KDM4C: variants seen among roughly 807,000 people sequenced by gnomAD.
The protein encoded by KDM4C is lysine-specific demethylase 4C.
KDM4C carries 81 observed loss-of-function variants against 129.3 expected under a neutral mutation model. That is an observed-to-expected ratio of 0.63 (90% CI 0.52 to 0.75). The LOEUF (loss-of-function observed/expected upper bound fraction) is 0.75. Among genes scored for constraint, KDM4C ranks in the 30% least tolerant of loss-of-function variants. The pLI is 0.00. For missense variants in KDM4C, 1,457 were observed against 1,304.0 expected (o/e 1.12, Z -1.81); for synonymous variants, 573 against 456.1 (o/e 1.26, Z -3.26).
At chr9:7,027,600 T>C (rs1450706915) in intron 15 of KDM4C, among the ~76,000 whole-genome samples, 1 of 152,138 alleles carries the variant, frequency 6.6e-6, no homozygotes, top group African/African-American at 2.4e-5. Context: ...GGCTACCAGA[T>C]ACTATGTTTG....
intron 1 of KDM4C, among the ~76,000 whole-genome samples, chr9:6,768,895 C>G (rs550859407): frequency 3.9e-5 from 6 of 152,206 alleles, no homozygotes; most frequent in Admixed American, 1.3e-4. Flanking sequence ...GCCTCAGCCT[C>G]CCGAGTAACT....
rs531200707 is a variant in KDM4C, at chr9:6,997,439, G to A, written c.1786+6915G>A. On this transcript the variant is annotated intron_variant, in intron 12 of 21. Coordinates refer to ENST00000381309, the MANE Select transcript of KDM4C (RefSeq NM_015061.6). Reference sequence around the variant, plus strand: ...GCTTGCTTGCCTGAAACTTAGGCTTGGATGGTGAAGGGCAATATGATAGAA... The same window carrying A: ...GCTTGCTTGCCTGAAACTTAGGCTTAGATGGTGAAGGGCAATATGATAGAA... 2.6e-5 allele frequency among the ~76,000 whole-genome samples: 4 copies of A among 152,314 alleles called. 1 individual carries two copies. In the South Asian group the frequency reaches 8.3e-4, roughly 32 times the overall value.
intron 17 of KDM4C, among the ~76,000 whole-genome samples, chr9:7,095,309 C>G (rs1836294297): frequency 6.6e-6 from 1 of 152,228 alleles, no homozygotes; most frequent in Non-Finnish European, 1.5e-5. Context: ...CAGCTGCAAC[C>G]TTTCATGCTG....
chr9:6,953,869 C>T (rs149147511), intron 8 of KDM4C, among the ~76,000 whole-genome samples: 1 of 152,122 alleles, frequency 6.6e-6, no homozygotes, highest in Non-Finnish European at 1.5e-5. Context: ...CACTTCTTGA[C>T]CCTTGGAAAT....
chr9:7,152,290 T>G (rs979425016), intron 19 of KDM4C, among the ~76,000 whole-genome samples: 2 of 152,194 alleles, frequency 1.3e-5, no homozygotes, highest in African/African-American at 4.8e-5. Flanking sequence ...GACCTAAATA[T>G]TTAATAAAGG....
At chr9:6,944,419 A>G (rs934501705) in intron 8 of KDM4C, among the ~76,000 whole-genome samples, 1 of 152,212 alleles carries the variant, frequency 6.6e-6, no homozygotes, top group African/African-American at 2.4e-5. Context: ...ATTGTTCAAA[A>G]GAGCTGCAGC....
At chr9:7,039,313 TCTC>T (rs1230928862) in intron 15 of KDM4C, among the ~76,000 whole-genome samples, 4 of 152,040 alleles carry the variant, frequency 2.6e-5, no homozygotes, top group Non-Finnish European at 5.9e-5. Flanking sequence ...GCTCTGTCTT[TCTC>T]CTCTCTAATT....
intron 1 of KDM4C, among the ~76,000 whole-genome samples, chr9:6,788,601 A>G (rs1400713863): frequency 6.6e-6 from 1 of 152,188 alleles, no homozygotes; most frequent in Non-Finnish European, 1.5e-5. Context: ...ACAATTTGGC[A>G]CTTACTCCTT....
chr9:6,848,779 A>G (rs1252510052), intron 4 of KDM4C, among the ~76,000 whole-genome samples: 2 of 152,172 alleles, frequency 1.3e-5, no homozygotes, highest in Non-Finnish European at 2.9e-5. Context: ...ATCACCATCC[A>G]TATTGTTATA....
Position 7,165,314 on chromosome 9 carries a change from A to G in KDM4C, c.2858A>G (p.Tyr953Cys), listed in dbSNP as rs367739028. ...GTCAAGTGGCCCGATGGCAAACTCT[A>G]TGGAGCAAAATATTTTGGATCAAAT... ...VQVKWPDGKLYGAKYFGSNIA... is the reference protein window; with the variant it reads ...VQVKWPDGKLCGAKYFGSNIA... The change falls in exon 20 of 22, where the codon TAT (tyrosine) becomes TGT (cysteine). Residue 953 changes from tyrosine to cysteine, a missense_variant. Physicochemically the swap from Tyr to Cys is radical, Grantham distance 194. Coordinates refer to ENST00000381309, the MANE Select transcript of KDM4C (RefSeq NM_015061.6). The G allele has an allele frequency of 2.5e-6, 4 of 1,614,064 alleles. No homozygotes were observed. The highest frequency in any genetic ancestry group is 2.5e-6 in the Non-Finnish European group (3 of 1,180,020).
chr9:6,870,141 T>C lies in KDM4C; in HGVS notation c.630-9871T>C, dbSNP rs376458936. Reference sequence around the variant, plus strand: ...TTTACTTTTTGATTCATAAAGTGTTTTTGTAACAAGAACTCCCTTGCATCC... The same window carrying C: ...TTTACTTTTTGATTCATAAAGTGTTCTTGTAACAAGAACTCCCTTGCATCC... On this transcript the variant is annotated intron_variant, in intron 5 of 21. Coordinates refer to ENST00000381309, the MANE Select transcript of KDM4C (RefSeq NM_015061.6). Among the ~76,000 whole-genome samples, 17 of 152,314 alleles carry C rather than the reference T, an allele frequency of 1.1e-4. No individual in the cohort carries two copies. In the East Asian group the frequency reaches 2.3e-3, roughly 21 times the overall value.
chr9:7,136,043 ATG>A (rs1564163564), intron 19 of KDM4C, among the ~76,000 whole-genome samples: 3 of 152,228 alleles, frequency 2.0e-5, no homozygotes, highest in Non-Finnish European at 4.4e-5. Flanking sequence ...AGCAATTGTG[ATG>A]GGCCAGAGTG....
chr9:6,728,595 C>G (rs1211233710), intron 1 of KDM4C, among the ~76,000 whole-genome samples: 3 of 151,960 alleles, frequency 2.0e-5, no homozygotes, highest in Non-Finnish European at 4.4e-5. Flanking sequence ...GCCTGTAATA[C>G]CAGCACTTTG....
intron 2 of KDM4C, among the ~76,000 whole-genome samples, chr9:6,804,295 T>G (rs1248419895): frequency 6.6e-6 from 1 of 152,208 alleles, no homozygotes; most frequent in Admixed American, 6.5e-5. Context: ...CAGCTGCTTA[T>G]GTAGTGATGT....
At chr9:7,083,383 A>G (rs1382929781) in intron 17 of KDM4C, among the ~76,000 whole-genome samples, 1 of 152,244 alleles carries the variant, frequency 6.6e-6, no homozygotes, top group Non-Finnish European at 1.5e-5. Flanking sequence ...TTCAGTGTGC[A>G]TTGCTTAACA....
intron 15 of KDM4C, among the ~76,000 whole-genome samples, chr9:7,026,323 C>A (rs1036887597): frequency 1.3e-5 from 2 of 151,586 alleles, no homozygotes; most frequent in African/African-American, 4.8e-5. Flanking sequence ...TTCTCCTTTA[C>A]GTTCAGAGGA....
chr9:7,117,943 T>A (rs1364185286), intron 18 of KDM4C, among the ~76,000 whole-genome samples: 1 of 152,174 alleles, frequency 6.6e-6, no homozygotes, highest in African/African-American at 2.4e-5. Flanking sequence ...TGAATTAAAT[T>A]GCTTACTCTT....
At chr9:6,883,106 A>G (rs766326067) in intron 6 of KDM4C, among the ~76,000 whole-genome samples, 10 of 152,218 alleles carry the variant, frequency 6.6e-5, no homozygotes, top group Non-Finnish European at 7.3e-5. Context: ...TAAATAAATC[A>G]TTTTAATTTT....
intron 8 of KDM4C, among the ~76,000 whole-genome samples, chr9:6,915,379 A>T (rs1195144053): frequency 6.6e-6 from 1 of 152,172 alleles, no homozygotes; most frequent in East Asian, 1.9e-4. Flanking sequence ...CTTCCTCTGA[A>T]GCAATCATTT....
Sources: gnomAD v4.1 joint callset for allele counts (sites outside exome capture counted in the v4.1 genomes callset) on GRCh38, gnomAD v4.1.1 for gene constraint, MANE v1.5 for transcripts, NCBI Gene and HGNC (gene_info 2026-07-23, HGNC 2026-07-21) for gene names.